The following ULK4 variants were observed in gnomAD, a reference collection of about 807,000 sequenced individuals.
ULK4 encodes inactive serine/threonine-protein kinase ULK4.
ULK4 carries 133 observed loss-of-function variants against 160.6 expected under a neutral mutation model. The observed-to-expected ratio is 0.83, with a 90% CI of 0.72 to 0.96. The LOEUF (loss-of-function observed/expected upper bound fraction) is 0.96, where lower values mean the gene tolerates loss of function less well. Among genes scored for constraint, ULK4 ranks in the 40% least tolerant of loss-of-function variants. The probability of loss-of-function intolerance (pLI) is 0.00; values close to 1 mark genes in which losing one functional copy is unlikely to be tolerated. For synonymous variants in ULK4, 534 were observed against 539.8 expected (o/e 0.99, Z 0.15); for missense variants, 1,580 against 1,499.5 (o/e 1.05, Z -0.89).
intron 31 of ULK4, among the ~76,000 whole-genome samples, chr3:41,604,931 A>G (rs2032300919): frequency 6.6e-6 from 1 of 152,122 alleles, no homozygotes. Flanking sequence ...CACCATACAT[A>G]AAATGTGCTC....
At chr3:41,885,442 G>C (rs1339175252) in intron 16 of ULK4, among the ~76,000 whole-genome samples, 4 of 152,074 alleles carry the variant, frequency 2.6e-5, no homozygotes, top group Non-Finnish European at 5.9e-5. Context: ...TCACAGTATA[G>C]GTTCCTTCTC....
chr3:41,706,437 T>C lies in ULK4; in HGVS notation c.2635-1132A>G, dbSNP rs192975073. 7.9e-3 allele frequency among the ~76,000 whole-genome samples: 1,144 copies of C among 145,108 alleles called. 10 individuals carry two copies. Among genetic ancestry groups the C allele is most frequent in the Middle Eastern group, 0.018 (5 of 278 alleles). ...AATATATATTAAACAAAATAACATA[T>C]ATTATTTTATATATGGTAACAAATA... On this transcript the variant is annotated intron_variant, in intron 25 of 36. Transcript: ENST00000301831.
chr3:41,733,828 G>A (rs71315505), intron 22 of ULK4, among the ~76,000 whole-genome samples: 8,675 of 143,634 alleles, frequency 0.06, 338 homozygotes, highest in Non-Finnish European at 0.093. Context: ...TCCACCTCCC[G>A]GGTTCAAGCA....
intron 22 of ULK4, 119 bp downstream of exon 22, chr3:41,754,233 TATTAAGCCC>T: frequency 9.4e-7 from 1 of 1,058,406 alleles, no homozygotes; most frequent in Middle Eastern, 2.4e-4. Context: ...ACAGGTGAAA[TATTAAGCCC>T]CTGGAAAAAC....
At chr3:41,882,529 T>G (rs1224932818) in intron 17 of ULK4, among the ~76,000 whole-genome samples, 1 of 152,230 alleles carries the variant, frequency 6.6e-6, no homozygotes, top group East Asian at 1.9e-4. Flanking sequence ...ATAATCTTTA[T>G]CCTCTTTCTT....
intron 35 of ULK4, among the ~76,000 whole-genome samples, chr3:41,371,055 G>C (rs1409182742): frequency 6.6e-6 from 1 of 152,172 alleles, no homozygotes; most frequent in Non-Finnish European, 1.5e-5. Context: ...AGAGCCCACC[G>C]CAGCTCAGCA....
chr3:41,800,718 GATCA>G lies in ULK4; in HGVS notation c.1849-429_1849-426del, dbSNP rs1207887637. 3.3e-5 allele frequency among the ~76,000 whole-genome samples: 5 copies of G among 152,264 alleles called. No individual in the cohort carries two copies. In the East Asian group the frequency reaches 5.8e-4, roughly 18 times the overall value. On this transcript the variant is annotated intron_variant, in intron 19 of 36. Transcript: ENST00000301831. ...CAGTCCTAGGAATAATCTGAGCACC[GATCA>G]ATCAGAGTGGAAAGATTGTCTAAAT...
intron 32 of ULK4, among the ~76,000 whole-genome samples, chr3:41,564,057 C>T (rs60309815): frequency 0.061 from 9,177 of 149,618 alleles, 821 homozygotes; most frequent in African/African-American, 0.2. Context: ...TGTAGATGTC[C>T]TTCTTGTTGA....
At chr3:41,459,535 T>A (rs1480639135) in intron 33 of ULK4, among the ~76,000 whole-genome samples, 1 of 152,180 alleles carries the variant, frequency 6.6e-6, no homozygotes, top group Non-Finnish European at 1.5e-5. Context: ...TTATCTAGGA[T>A]CTCATGGTTT....
At chr3:41,441,811 C>A (rs981227933) in intron 34 of ULK4, among the ~76,000 whole-genome samples, 6 of 152,132 alleles carry the variant, frequency 3.9e-5, no homozygotes, top group African/African-American at 1.4e-4. Context: ...ATTTAAGCTG[C>A]ATATTTGTCT....
At chr3:41,943,121 C>G (rs528223465) in intron 2 of ULK4, among the ~76,000 whole-genome samples, 1 of 148,152 alleles carries the variant, frequency 6.7e-6, no homozygotes, top group Non-Finnish European at 1.5e-5. Context: ...GCTGAGGCAG[C>G]AGAATGGCGT....
At chr3:41,882,733 C>A (rs894849211) in intron 17 of ULK4, among the ~76,000 whole-genome samples, 3 of 152,192 alleles carry the variant, frequency 2.0e-5, no homozygotes, top group Admixed American at 6.5e-5. Flanking sequence ...GCAGGAACAT[C>A]CTCTAAAATC....
At chr3:41,414,203 AAAAC>A (rs373648364) in intron 34 of ULK4, among the ~76,000 whole-genome samples, 80 of 151,738 alleles carry the variant, frequency 5.3e-4, no homozygotes, top group Non-Finnish European at 7.1e-4. Context: ...TTCCATCTCA[AAAAC>A]AAACAAACAA....
At chr3:41,911,484 T>A in intron 10 of ULK4, 57 bp downstream of exon 10, 2 of 1,588,060 alleles carry the variant, frequency 1.3e-6, no homozygotes, top group African/African-American at 2.7e-5. Flanking sequence ...ACACTGAAAT[T>A]AGGAACTCTC....
chr3:41,776,217 A>G (rs1211043192), intron 21 of ULK4, among the ~76,000 whole-genome samples: 4 of 150,964 alleles, frequency 2.6e-5, no homozygotes, highest in Non-Finnish European at 5.9e-5. Flanking sequence ...TCCCAAGTTT[A>G]CTGACCATTC....
At chr3:41,492,462 A>G (rs1285490182) in intron 32 of ULK4, among the ~76,000 whole-genome samples, 3 of 151,304 alleles carry the variant, frequency 2.0e-5, no homozygotes, top group East Asian at 1.9e-4. Flanking sequence ...GGTACCAGCC[A>G]CTGCAAAATC....
chr3:41,687,717 T>G (rs2036146746), intron 27 of ULK4, among the ~76,000 whole-genome samples: 2 of 152,186 alleles, frequency 1.3e-5, no homozygotes, highest in Non-Finnish European at 2.9e-5. Context: ...AGGAAAAACA[T>G]CTTTCTAACA....
In ULK4 at chr3:41,458,833, G is replaced by A. The variant is rs773141677; in HGVS notation, c.3394-3238C>T. On this transcript the variant is annotated intron_variant, in intron 33 of 36. Coordinates refer to ENST00000301831, the MANE Select transcript of ULK4 (RefSeq NM_017886.4). ...TGCAGTGGCACGATCTCGGCTTAGTGCAACCTCTGCCTCCTGGGTTCAAGC... is the reference window on the plus strand; with the variant it reads ...TGCAGTGGCACGATCTCGGCTTAGTACAACCTCTGCCTCCTGGGTTCAAGC... 2.4e-4 allele frequency among the ~76,000 whole-genome samples: 37 copies of A among 151,986 alleles called. 1 individual carries two copies. Among genetic ancestry groups the A allele is most frequent in the Non-Finnish European group, 4.9e-4 (33 of 67,994 alleles).
At chr3:41,749,506 C>T (rs1216372434) in intron 22 of ULK4, among the ~76,000 whole-genome samples, 5 of 152,016 alleles carry the variant, frequency 3.3e-5, no homozygotes, top group African/African-American at 7.2e-5. Context: ...ATAGGCTTTG[C>T]GTTAGATGAT....
Sources: gnomAD v4.1 joint callset for allele counts (sites outside exome capture counted in the v4.1 genomes callset) on GRCh38, gnomAD v4.1.1 for gene constraint, MANE v1.5 for transcripts, NCBI Gene and HGNC (gene_info 2026-07-23, HGNC 2026-07-21) for gene names.